ANKS6: variants seen among roughly 807,000 people sequenced by gnomAD.
The protein encoded by ANKS6 is ankyrin repeat and SAM domain-containing protein 6.
A neutral mutation model predicts 77.9 loss-of-function variants in ANKS6; 47 were observed. That is an observed-to-expected ratio of 0.60 (90% confidence interval 0.48 to 0.77). The LOEUF is 0.77. ANKS6 is among the 30% of genes least tolerant of loss of function. The pLI is 0.00. For missense variants in ANKS6, 1,150 were observed against 1,159.1 expected (o/e 0.99, Z 0.11); for synonymous variants, 488 against 501.7 (o/e 0.97, Z 0.37).
At chr9:98,784,690 T>G (rs778816452) in intron 3 of ANKS6, 142 bp downstream of exon 3, 63 of 782,696 alleles carry the variant, frequency 8.0e-5, no homozygotes, top group South Asian at 1.4e-4. Flanking sequence ...CTCCAGGATC[T>G]GAACTTCCAA....
intron 11 of ANKS6, among the ~76,000 whole-genome samples, chr9:98,763,986 T>C (rs190488089): frequency 6.6e-6 from 1 of 152,214 alleles, no homozygotes; most frequent in Admixed American, 6.5e-5. Flanking sequence ...AGTTAAAACC[T>C]TCCAAAAGAG....
chr9:98,777,367 G>C, intron 8 of ANKS6, 38 bp downstream of exon 8: 1 of 1,602,712 alleles, frequency 6.2e-7, no homozygotes, highest in Non-Finnish European at 8.5e-7. Flanking sequence ...GATGATTGCC[G>C]GAGACCTAAA....
chr9:98,759,061 T>A (rs893829200), intron 11 of ANKS6, among the ~76,000 whole-genome samples: 2 of 152,214 alleles, frequency 1.3e-5, no homozygotes, highest in African/African-American at 2.4e-5. Context: ...TTGTTTTTTT[T>A]AATTTGCATA....
intron 1 of ANKS6, among the ~76,000 whole-genome samples, chr9:98,795,430 C>T (rs976912995): frequency 3.9e-5 from 6 of 152,188 alleles, no homozygotes; most frequent in Admixed American, 2.0e-4. Flanking sequence ...CGTTTCTCAG[C>T]TCCCACACTC....
chr9:98,780,424 G>A, intron 5 of ANKS6, 87 bp from the exon 6 acceptor site: 1 of 1,420,530 alleles, frequency 7.0e-7, no homozygotes, highest in Non-Finnish European at 9.5e-7. Context: ...GTTAGACTTA[G>A]AACTCAGCCC....
chr9:98,795,105 T>A (rs983796436), intron 1 of ANKS6, among the ~76,000 whole-genome samples: 1 of 152,126 alleles, frequency 6.6e-6, no homozygotes, highest in Admixed American at 6.5e-5. Context: ...GCTGTCTCTC[T>A]TAACCCCTCC....
chr9:98,796,551 C>A lies in ANKS6; in HGVS notation c.-60G>T. The A allele has an allele frequency of 2.1e-6, 2 of 949,672 alleles. No homozygotes were observed. The highest frequency in any genetic ancestry group is 2.5e-6 in the Non-Finnish European group (2 of 798,168). 58.8% of individuals were successfully genotyped at this position (949,672 alleles called of 1,614,324 possible). On this transcript the variant is annotated 5_prime_UTR_variant, in exon 1 of 15. Coordinates refer to ENST00000353234, the MANE Select transcript of ANKS6 (RefSeq NM_173551.5). ...CCGCCGGCCGCGTCGGCTCCGCCCC[C>A]GGATACCGCCCGCAGGCGCCCCCTT...
In ANKS6 at chr9:98,768,141, C is replaced by T. The variant is rs755118485; in HGVS notation, c.2082G>A (p.Pro694=). The T allele has an allele frequency of 1.6e-5, 26 of 1,613,624 alleles. No homozygotes were observed. Among genetic ancestry groups the T allele is most frequent in the Middle Eastern group, 1.7e-4 (1 of 5,924 alleles). ...CTGGAAGCTCAGACGGGCTGGACCC[C>T]GGTGCTGGCCCCACAGGGCTTGACC... ...SHRSSPVGPA[P]GSSPSELPAS... The change falls in exon 11 of 15, where the codon CCG becomes CCA. Residue 694 remains proline, a synonymous_variant. Coordinates refer to ENST00000353234, the MANE Select transcript of ANKS6 (RefSeq NM_173551.5).
chr9:98,736,002 C>T lies in ANKS6; in HGVS notation c.*517G>A. The T allele has an allele frequency of 9.0e-6, 11 of 1,218,706 alleles. No homozygotes were observed. Among genetic ancestry groups the T allele is most frequent in the Non-Finnish European group, 1.0e-5 (10 of 980,118 alleles). 75.5% of individuals were successfully genotyped at this position (1,218,706 alleles called of 1,614,324 possible). On this transcript the variant is annotated 3_prime_UTR_variant, in exon 15 of 15. Transcript: ENST00000353234. Reference sequence around the variant, plus strand: ...GCTAACCTCTCACCATAATACATACCCCCCATCTAAGTCAAAAGTTGTTGC... The same window carrying T: ...GCTAACCTCTCACCATAATACATACTCCCCATCTAAGTCAAAAGTTGTTGC...
Position 98,771,017 on chromosome 9 carries a change from G to A in ANKS6, c.1851C>T (p.Ser617=). 1 of 1,591,058 alleles carries A rather than the reference G, an allele frequency of 6.3e-7. No individual in the cohort carries two copies. The highest frequency in any genetic ancestry group is 1.3e-5 in the African/African-American group (1 of 74,084). Residue 617 remains serine, a synonymous_variant, in exon 10 of 15, where the codon AGC becomes AGT. Transcript: ENST00000353234. ...CAGAAGAGGCTGGGCTTCTGGGGAG[G>A]CTTGGAAATTTAACAGGCCTGACGG... ...TTPVRPVKFP[S]LPRSPASSAN...
chr9:98,738,566 A>G (rs538967860), intron 14 of ANKS6, among the ~76,000 whole-genome samples: 1 of 150,536 alleles, frequency 6.6e-6, no homozygotes, highest in East Asian at 1.9e-4. Flanking sequence ...GAATGGCCAT[A>G]ACAAAAAAAT....
intron 14 of ANKS6, 115 bp from the exon 15 acceptor site, chr9:98,736,738 T>C: frequency 7.7e-7 from 1 of 1,306,964 alleles, no homozygotes; most frequent in Non-Finnish European, 1.1e-6. Flanking sequence ...CATGGGCGTC[T>C]TGGGGAAAAT....
intron 2 of ANKS6, chr9:98,789,802 T>C (rs1834784283): frequency 3.0e-6 from 1 of 330,086 alleles, no homozygotes; most frequent in East Asian, 4.8e-5. Context: ...TGCCAAACCT[T>C]GTTGTAGAAG....
At chr9:98,772,083 T>C (rs1309575174) in intron 9 of ANKS6, among the ~76,000 whole-genome samples, 2 of 152,166 alleles carry the variant, frequency 1.3e-5, no homozygotes, top group East Asian at 1.9e-4. Flanking sequence ...AGATACACAG[T>C]GTCCTAATTC....
At chr9:98,756,754 G>A (rs1564190050) in intron 11 of ANKS6, 151 bp from the exon 12 acceptor site, 1 of 686,106 alleles carries the variant, frequency 1.5e-6, no homozygotes, top group Non-Finnish European at 2.1e-6. Context: ...AACATGGAAA[G>A]CAGAAATATC....
intron 14 of ANKS6, among the ~76,000 whole-genome samples, 158 bp from the exon 15 acceptor site, chr9:98,736,781 T>A (rs1413226642): frequency 1.3e-5 from 2 of 152,120 alleles, no homozygotes; most frequent in Admixed American, 6.5e-5. Context: ...CCGAGTTCAA[T>A]AAAAACATAC....
rs557975586 is a variant in ANKS6 at position 98,790,269 on chromosome 9, C to T, written c.697G>A (p.Ala233Thr). Reference protein sequence around the residue: ...TVGWSPLMLAALTGRLGVAQQ... With the variant: ...TVGWSPLMLATLTGRLGVAQQ... ...GCCACTCCAAGCCGCCCAGTGAGTG[C>T]GGCCAGCATCAGCGGGCTCCAGCCC... The change falls in exon 2 of 15, where the codon GCA becomes ACA. Residue 233 changes from alanine (A) to threonine (T), a missense_variant. Transcript: ENST00000353234. 3.7e-6 allele frequency: 6 copies of T among 1,604,140 alleles called. No homozygotes were observed. The highest frequency in any genetic ancestry group is 1.7e-4 in the Middle Eastern group (1 of 6,044).
intron 14 of ANKS6, among the ~76,000 whole-genome samples, chr9:98,736,941 C>T (rs1412162477): frequency 6.6e-6 from 1 of 152,176 alleles, no homozygotes; most frequent in Non-Finnish European, 1.5e-5. Flanking sequence ...GATTCGAGGT[C>T]TCCTTTCCTG....
At chr9:98,794,890 C>T (rs1174911948) in intron 1 of ANKS6, among the ~76,000 whole-genome samples, 1 of 152,138 alleles carries the variant, frequency 6.6e-6, no homozygotes, top group Non-Finnish European at 1.5e-5. Flanking sequence ...ATCACAATCT[C>T]CAGAAAAGGA....
Sources: gnomAD v4.1 joint callset for allele counts (sites outside exome capture counted in the v4.1 genomes callset) on GRCh38, gnomAD v4.1.1 for gene constraint, MANE v1.5 for transcripts, NCBI Gene and HGNC (gene_info 2026-07-23, HGNC 2026-07-21) for gene names.